Variants in EYS observed in about 807,000 individuals in gnomAD.
The protein encoded by EYS is protein eyes shut homolog.
EYS carries 250 observed loss-of-function variants against 282.1 expected under a neutral mutation model. The observed-to-expected ratio is 0.89, with a 90% CI of 0.80 to 0.98. The LOEUF is 0.98. Among genes scored for constraint, EYS ranks in the 50% least tolerant of loss-of-function variants. The probability of loss-of-function intolerance (pLI) is 0.00; values close to 1 mark genes in which losing one functional copy is unlikely to be tolerated. For missense variants in EYS, 4,016 were observed against 3,709.0 expected (o/e 1.08, Z -2.15); for synonymous variants, 1,355 against 1,282.9 (o/e 1.06, Z -1.20).
intron 5 of EYS, among the ~76,000 whole-genome samples, chr6:65,426,181 G>T (rs988130426): frequency 1.3e-5 from 2 of 151,972 alleles, no homozygotes; most frequent in African/African-American, 4.8e-5. Context: ...TTCTTGCTAC[G>T]TTGCTTAGGC....
At chr6:64,643,211 CAT>C (rs1768234006) in intron 22 of EYS, among the ~76,000 whole-genome samples, 1 of 151,682 alleles carries the variant, frequency 6.6e-6, no homozygotes, top group Non-Finnish European at 1.5e-5. Flanking sequence ...GGAGAGAAGA[CAT>C]GTGCTTTTAT....
At chr6:63,839,662 G>A (rs114183802) in intron 36 of EYS, among the ~76,000 whole-genome samples, 148 of 152,256 alleles carry the variant, frequency 9.7e-4, no homozygotes, top group African/African-American at 3.5e-3. Context: ...GTTATTGTAA[G>A]TAGTGCTCCA....
chr6:64,866,414 T>C (rs1766426132), intron 19 of EYS, among the ~76,000 whole-genome samples: 1 of 151,896 alleles, frequency 6.6e-6, no homozygotes, highest in Non-Finnish European at 1.5e-5. Flanking sequence ...AAAGTAGAGA[T>C]ATAAGAATGA....
intron 22 of EYS, among the ~76,000 whole-genome samples, chr6:64,705,337 C>T (rs1013433494): frequency 5.4e-5 from 8 of 148,086 alleles, no homozygotes; most frequent in Admixed American, 3.3e-4. Flanking sequence ...CATAGATAAA[C>T]AAACAGAGAC....
intron 26 of EYS, among the ~76,000 whole-genome samples, chr6:64,464,512 A>G (rs1775854681): frequency 6.6e-6 from 1 of 152,132 alleles, no homozygotes; most frequent in Non-Finnish European, 1.5e-5. Flanking sequence ...GTCCCTGTTT[A>G]CAAGCAATGT....
chr6:65,673,240 T>G (rs1463208724), intron 1 of EYS, among the ~76,000 whole-genome samples: 1 of 151,928 alleles, frequency 6.6e-6, no homozygotes. Context: ...TATGGAGAGA[T>G]AATGGGCGAT....
At position 64,230,621 on chromosome 6, in the gene EYS, A is replaced by G; in HGVS notation, c.6395T>C (p.Leu2132Pro). ...TTCACAGAAGCGGCCAGTGAAATGT[A>G]GTGGACAGTCACATTGGAATGACAC... ...GIVSFQCDCP[L>P]HFTGRFCEKD... is the part of the protein sequence containing the mutation. The change falls in exon 31 of 43, where the codon CTA becomes CCA. Residue 2132 changes from leucine to proline, a missense_variant. Leu to Pro is a moderately conservative substitution (Grantham distance 98, BLOSUM62 -3). Coordinates refer to ENST00000503581, the MANE Select transcript of EYS (RefSeq NM_001142800.2). 6.4e-7 allele frequency: 1 copy of G among 1,551,214 alleles called. No individual in the cohort carries two copies. The highest frequency in any genetic ancestry group is 2.4e-5 in the East Asian group (1 of 40,914).
At position 64,902,421 on chromosome 6, in the gene EYS, A is replaced by C; in HGVS notation, c.2721T>G (p.Asp907Glu). The change falls in exon 17 of 43, where the codon GAT becomes GAG. Residue 907 changes from aspartate to glutamate, a missense_variant. Coordinates refer to ENST00000503581, the MANE Select transcript of EYS (RefSeq NM_001142800.2). ...LSCQDYGDCE[D>E]MVNNFRCICR... ...TTCTGTACCTGAAATTGTTGACCAT[A>C]TCTTCACAGTCACCATAATCCTGGC... The C allele has an allele frequency of 6.5e-7, 1 of 1,536,294 alleles. No individual in the cohort carries two copies. The highest frequency in any genetic ancestry group is 8.8e-7 in the Non-Finnish European group (1 of 1,142,772).
At chr6:64,725,322 T>C (rs569602036) in intron 22 of EYS, among the ~76,000 whole-genome samples, 2 of 152,194 alleles carry the variant, frequency 1.3e-5, no homozygotes, top group Non-Finnish European at 2.9e-5. Flanking sequence ...TTCCACTCAT[T>C]GAGGAGAGGG....
intron 26 of EYS, among the ~76,000 whole-genome samples, chr6:64,563,943 A>T (rs1765481328): frequency 6.6e-6 from 1 of 151,882 alleles, no homozygotes; most frequent in East Asian, 1.9e-4. Flanking sequence ...TAAATATTTT[A>T]AAATTATCAG....
intron 2 of EYS, among the ~76,000 whole-genome samples, chr6:65,526,183 C>A (rs765295117): frequency 3.9e-5 from 6 of 152,144 alleles, no homozygotes; most frequent in Non-Finnish European, 5.9e-5. Context: ...GGGCCTCATT[C>A]TATTGACCTT....
chr6:64,098,590 G>A (rs1203263469), intron 31 of EYS, among the ~76,000 whole-genome samples: 1 of 150,444 alleles, frequency 6.6e-6, no homozygotes, highest in Non-Finnish European at 1.5e-5. Context: ...TGTTAGTAAT[G>A]TTTTCTTTCT....
At position 65,630,821 on chromosome 6, in the gene EYS, T is replaced by A. The variant is rs546736264; in HGVS notation, c.-333+8957A>T. On this transcript the variant is annotated intron_variant, in intron 2 of 42. Transcript: ENST00000503581. ...CCTCCAAACAATAAAGAAATTTGTA[T>A]AAAAATTATTGAGAAAAGCTGTATC... is the stretch of plus-strand genomic sequence containing the variant. 6.6e-5 allele frequency among the ~76,000 whole-genome samples: 10 copies of A among 152,304 alleles called. No individual in the cohort carries two copies. The South Asian group carries it at 8.3e-4, about 13-fold the overall frequency.
At chr6:64,428,593 T>C (rs939569463) in intron 28 of EYS, among the ~76,000 whole-genome samples, 6 of 152,296 alleles carry the variant, frequency 3.9e-5, no homozygotes, top group African/African-American at 1.4e-4. Context: ...TACTATGATA[T>C]GCTAATCTTT....
chr6:64,234,505 T>C (rs1284953474), intron 30 of EYS, among the ~76,000 whole-genome samples: 3 of 152,340 alleles, frequency 2.0e-5, no homozygotes, highest in African/African-American at 4.8e-5. Context: ...TTTTAAGTTT[T>C]TTTCTTGTTA....
intron 31 of EYS, among the ~76,000 whole-genome samples, chr6:64,191,199 T>C (rs753655209): frequency 3.3e-5 from 5 of 152,138 alleles, no homozygotes; most frequent in Non-Finnish European, 7.4e-5. Context: ...TTTTGTCTCA[T>C]TTATCTTTTT....
intron 19 of EYS, among the ~76,000 whole-genome samples, chr6:64,883,637 T>C (rs1260321301): frequency 6.6e-6 from 1 of 151,492 alleles, no homozygotes; most frequent in Non-Finnish European, 1.5e-5. Context: ...ATATTCATCT[T>C]TCCTATATTT....
intron 12 of EYS, among the ~76,000 whole-genome samples, chr6:65,239,200 C>T (rs1009034462): frequency 1.3e-5 from 2 of 152,018 alleles, no homozygotes; most frequent in African/African-American, 4.8e-5. Context: ...CAGGGTGATG[C>T]TCATTGTCTC....
chr6:65,053,547 G>A (rs1024017102), intron 13 of EYS, among the ~76,000 whole-genome samples: 1 of 151,600 alleles, frequency 6.6e-6, no homozygotes. Flanking sequence ...GACAAAACTT[G>A]GACTATATCA....
Sources: gnomAD v4.1 joint callset for allele counts (sites outside exome capture counted in the v4.1 genomes callset) on GRCh38, gnomAD v4.1.1 for gene constraint, MANE v1.5 for transcripts, NCBI Gene and HGNC (gene_info 2026-07-23, HGNC 2026-07-21) for gene names.